The following PTPRO variants were observed in gnomAD, a reference collection of about 807,000 sequenced individuals.
PTPRO encodes receptor-type tyrosine-protein phosphatase O.
A neutral mutation model predicts 145.2 loss-of-function variants in PTPRO; 62 were observed. The ratio of observed to expected loss-of-function variants is 0.43; its 90% CI spans 0.35 to 0.53. PTPRO has a LOEUF of 0.53. PTPRO is among the 20% of genes least tolerant of loss of function. PTPRO has a pLI of 0.01. For missense variants in PTPRO, 1,345 were observed against 1,482.7 expected (o/e 0.91, Z 1.53); for synonymous variants, 565 against 514.7 (o/e 1.10, Z -1.32).
intron 1 of PTPRO, among the ~76,000 whole-genome samples, chr12:15,425,842 A>G (rs1053247829): frequency 6.6e-6 from 1 of 151,938 alleles, no homozygotes; most frequent in Non-Finnish European, 1.5e-5. Flanking sequence ...ATTGAAATTG[A>G]TGTTTAAGTG....
Position 15,407,119 on chromosome 12 carries a change from C to G in PTPRO, c.76-76855C>G, listed in dbSNP as rs148085180. The stretch of plus-strand genomic sequence containing the variant: ...TCACAGAAATGAGAATGCTGCTGTT[C>G]CTCCACTGCAGGGCTCTGGACCCCT... On this transcript the variant is annotated intron_variant, in intron 1 of 26. Coordinates refer to ENST00000281171, the MANE Select transcript of PTPRO (RefSeq NM_030667.3). Among the ~76,000 whole-genome samples the G allele has an allele frequency of 8.7e-3, 1,318 of 152,278 alleles. 23 individuals carry two copies. Among genetic ancestry groups the G allele is most frequent in the African/African-American group, 0.03 (1,262 of 41,538 alleles).
chr12:15,376,872 A>G (rs1212226987), intron 1 of PTPRO, among the ~76,000 whole-genome samples: 4 of 152,324 alleles, frequency 2.6e-5, no homozygotes, highest in African/African-American at 9.6e-5. Context: ...ATTTCAATAT[A>G]TAAATGTTAA....
chr12:15,339,662 C>T (rs1366342276), intron 1 of PTPRO, among the ~76,000 whole-genome samples: 1 of 152,026 alleles, frequency 6.6e-6, no homozygotes, highest in Non-Finnish European at 1.5e-5. Flanking sequence ...GGTATGCACT[C>T]TTAGAGATAA....
intron 1 of PTPRO, among the ~76,000 whole-genome samples, chr12:15,334,949 A>C (rs968263534): frequency 2.0e-5 from 3 of 152,120 alleles, no homozygotes; most frequent in Non-Finnish European, 4.4e-5. Flanking sequence ...TGGAGTGGCT[A>C]CACTAGAATT....
chr12:15,336,987 G>T (rs756756308), intron 1 of PTPRO, among the ~76,000 whole-genome samples: 1 of 152,194 alleles, frequency 6.6e-6, no homozygotes, highest in Non-Finnish European at 1.5e-5. Context: ...ATCTAAGCCA[G>T]AACAATCAGA....
chr12:15,383,148 G>A (rs895255500), intron 1 of PTPRO, among the ~76,000 whole-genome samples: 1 of 152,012 alleles, frequency 6.6e-6, no homozygotes, highest in African/African-American at 2.4e-5. Context: ...ACAGCACCTG[G>A]GAACCACTAC....
At chr12:15,423,444 T>C (rs1298366943) in intron 1 of PTPRO, among the ~76,000 whole-genome samples, 1 of 152,114 alleles carries the variant, frequency 6.6e-6, no homozygotes, top group Non-Finnish European at 1.5e-5. Flanking sequence ...TTATTTCTCA[T>C]AGAAGTGTAA....
At chr12:15,515,231 T>C (rs758902126) in intron 7 of PTPRO, among the ~76,000 whole-genome samples, 2 of 152,188 alleles carry the variant, frequency 1.3e-5, no homozygotes, top group Non-Finnish European at 2.9e-5. Context: ...GATGTGTCTC[T>C]AGTGTGCATA....
At chr12:15,539,761 C>CAAAAAAAAAAAAAA (rs56061735) in intron 12 of PTPRO, among the ~76,000 whole-genome samples, 2 of 52,484 alleles carry the variant, frequency 3.8e-5, no homozygotes, top group East Asian at 1.5e-3. Context: ...GACTCTGTCT[C>CAAAAAAAAAAAAAA]AAAAAAAAAA....
At chr12:15,565,727 A>AG in intron 18 of PTPRO, 99 bp downstream of exon 18, 1 of 909,082 alleles carries the variant, frequency 1.1e-6, no homozygotes, top group Non-Finnish European at 1.8e-6. Flanking sequence ...GGGACGCTTA[A>AG]GAAAGAGGCA....
chr12:15,377,105 T>A (rs1431387940), intron 1 of PTPRO, among the ~76,000 whole-genome samples: 1 of 152,186 alleles, frequency 6.6e-6, no homozygotes, highest in Non-Finnish European at 1.5e-5. Context: ...CTCAGTATAT[T>A]ATTAACTTAG....
intron 15 of PTPRO, among the ~76,000 whole-genome samples, chr12:15,553,758 A>C (rs1943537563): frequency 6.6e-6 from 1 of 152,202 alleles, no homozygotes; most frequent in South Asian, 2.1e-4. Context: ...AAGGACAGAG[A>C]CAGGCATATC....
chr12:15,572,088 A>C (rs1944064155), intron 19 of PTPRO, among the ~76,000 whole-genome samples: 1 of 152,226 alleles, frequency 6.6e-6, no homozygotes. Context: ...TGTTGCTACT[A>C]ATTAACATTC....
At chr12:15,331,623 A>G (rs1299028174) in intron 1 of PTPRO, among the ~76,000 whole-genome samples, 1 of 152,238 alleles carries the variant, frequency 6.6e-6, no homozygotes, top group Non-Finnish European at 1.5e-5. Context: ...AATAAACTAA[A>G]GAGAAAAATA....
chr12:15,351,533 G>T (rs973261087), intron 1 of PTPRO, among the ~76,000 whole-genome samples: 1 of 152,118 alleles, frequency 6.6e-6, no homozygotes, highest in Non-Finnish European at 1.5e-5. Context: ...TCCTTCCGAG[G>T]TCAGGAGATT....
At chr12:15,328,490 T>C (rs1307589061) in intron 1 of PTPRO, among the ~76,000 whole-genome samples, 2 of 152,228 alleles carry the variant, frequency 1.3e-5, no homozygotes, top group Non-Finnish European at 2.9e-5. Context: ...TAAAAGGTTT[T>C]TTTCTTTCCT....
At chr12:15,337,120 G>C (rs1242091046) in intron 1 of PTPRO, among the ~76,000 whole-genome samples, 5 of 152,162 alleles carry the variant, frequency 3.3e-5, no homozygotes, top group Admixed American at 3.3e-4. Flanking sequence ...ACTGACTCAA[G>C]AAGAAACGTT....
chr12:15,333,480 T>C (rs1866668539), intron 1 of PTPRO, among the ~76,000 whole-genome samples: 1 of 152,152 alleles, frequency 6.6e-6, no homozygotes, highest in South Asian at 2.1e-4. Context: ...CCAGTGAACA[T>C]TTGTTGAACG....
intron 1 of PTPRO, among the ~76,000 whole-genome samples, chr12:15,339,367 C>T (rs1404115528): frequency 6.6e-6 from 1 of 152,052 alleles, no homozygotes; most frequent in African/African-American, 2.4e-5. Context: ...GGTGGTTTTG[C>T]CCAGCCATGA....
Sources: gnomAD v4.1 joint callset for allele counts (sites outside exome capture counted in the v4.1 genomes callset) on GRCh38, gnomAD v4.1.1 for gene constraint, MANE v1.5 for transcripts, NCBI Gene and HGNC (gene_info 2026-07-23, HGNC 2026-07-21) for gene names.